The following PCSK6 variants were observed in gnomAD, a reference collection of about 807,000 sequenced individuals.
The protein encoded by PCSK6 is proprotein convertase subtilisin/kexin type 6, also known as paired basic amino acid cleaving enzyme 4.
Under a neutral mutation model 123.3 loss-of-function variants are expected in PCSK6, and 85 were observed. That is an observed-to-expected ratio of 0.69 (90% CI 0.58 to 0.83). The LOEUF (loss-of-function observed/expected upper bound fraction) is 0.83, where lower values mean the gene tolerates loss of function less well. Ranked by LOEUF, PCSK6 falls within the 40% of genes least tolerant of loss-of-function variation. PCSK6 has a pLI of 0.00. For synonymous variants in PCSK6, 508 were observed against 516.0 expected, an observed-to-expected ratio of 0.98 and a Z score of 0.21; for missense variants, 1,191 against 1,282.3, an observed-to-expected ratio of 0.93 and a Z score of 1.09.
chr15:101,315,558 T>C lies in PCSK6; in HGVS notation c.2570-2053A>G, dbSNP rs142884792. On this transcript the variant is annotated intron_variant, in intron 19 of 21. Coordinates refer to ENST00000611716, the MANE Select transcript of PCSK6 (RefSeq NM_002570.5). ...GCCTTTGTTCAGAAAGCTGGAAGAA[T>C]GTGCCACGACAGGGACTAAAACAGA... Among the ~76,000 whole-genome samples the C allele has an allele frequency of 7.4e-4, 113 of 152,374 alleles. 2 individuals are homozygous for C. The highest frequency in any genetic ancestry group is 2.6e-3 in the African/African-American group (109 of 41,588).
chr15:101,341,189 C>G (rs935577721), intron 13 of PCSK6, among the ~76,000 whole-genome samples: 2 of 151,630 alleles, frequency 1.3e-5, no homozygotes, highest in Non-Finnish European at 2.9e-5. Context: ...CCTGTCTCAG[C>G]CTCCCAAAGT....
At chr15:101,351,742 A>G (rs193110121) in intron 13 of PCSK6, among the ~76,000 whole-genome samples, 2 of 152,344 alleles carry the variant, frequency 1.3e-5, no homozygotes, top group East Asian at 1.9e-4. Context: ...GCAGGACAAT[A>G]TAACTTCATG....
intron 1 of PCSK6, among the ~76,000 whole-genome samples, chr15:101,478,359 A>C (rs1412857333): frequency 6.6e-6 from 1 of 152,100 alleles, no homozygotes; most frequent in African/African-American, 2.4e-5. Context: ...CCCAGTTGCT[A>C]TTCTAAGGAC....
Position 101,489,459 on chromosome 15 carries a change from G to A in PCSK6, c.212C>T (p.Thr71Ile). Residue 71 changes from threonine to isoleucine, a missense_variant, in exon 1 of 22, where the codon ACC becomes ATC. This residue lies in a region of PCSK6 where 204 missense variants were observed against 166.4 expected (regional missense o/e 1.23). Transcript: ENST00000611716. ...CSAPPPRPVYTNHWAVQVLGG... is the reference protein window; with the variant it reads ...CSAPPPRPVYINHWAVQVLGG... ...CAGCACTTGCACCGCCCAGTGGTTG[G>A]TGTAGACGGGGCGCGGCGGGGGCGC... is the stretch of plus-strand genomic sequence containing the variant. 1 of 1,142,358 alleles carries A rather than the reference G, an allele frequency of 8.8e-7. No individual in the cohort carries two copies. The highest frequency in any genetic ancestry group is 1.1e-6 in the Non-Finnish European group (1 of 929,690). 70.8% of individuals were successfully genotyped at this position (1,142,358 alleles called of 1,614,324 possible).
chr15:101,325,031 C>T lies in PCSK6; in HGVS notation c.2196G>A (p.Val732=), dbSNP rs554385030. ...TGTCCCCAAAGTAGCCCAAGGGGCACACACTCACGCACTTCCTGTAGGAGC... is the reference window on the plus strand; with the variant it reads ...TGTCCCCAAAGTAGCCCAAGGGGCATACACTCACGCACTTCCTGTAGGAGC... ...SVKTSRKCVS[V]CPLGYFGDTA... is the part of the protein sequence containing the mutation. Residue 732 remains valine, a synonymous_variant, in exon 17 of 22, where the codon GTG becomes GTA. Coordinates refer to ENST00000611716, the MANE Select transcript of PCSK6 (RefSeq NM_002570.5). 17 of 1,608,090 alleles carry T rather than the reference C, an allele frequency of 1.1e-5. No homozygotes were observed. In the East Asian group the frequency reaches 3.6e-4, roughly 34 times the overall value.
chr15:101,340,871 T>C (rs992188153), intron 13 of PCSK6, among the ~76,000 whole-genome samples: 6 of 152,120 alleles, frequency 3.9e-5, no homozygotes, highest in African/African-American at 1.4e-4. Flanking sequence ...CAAGTTTATC[T>C]TCTAACATAT....
rs1435931752 is a variant in PCSK6, at chr15:101,313,400, C to T, written c.2675G>A (p.Gly892Asp). Reference protein sequence around the residue: ...GEGFYPEEMPGLPHKVCRRCD... With the variant: ...GEGFYPEEMPDLPHKVCRRCD... ...CCTTCGACACACTTTGTGGGGCAAG[C>T]CCGGCATCTCTTCTGGGTAGAAGCC... Residue 892 changes from glycine (G) to aspartate (D), a missense_variant, in exon 20 of 22, where the codon GGC (glycine) becomes GAC (aspartate). Transcript: ENST00000611716. 1 of 1,612,662 alleles carries T rather than the reference C, an allele frequency of 6.2e-7. No homozygotes were observed. Among genetic ancestry groups the T allele is most frequent in the Non-Finnish European group, 8.5e-7 (1 of 1,179,876 alleles).
At chr15:101,366,159 T>C in intron 13 of PCSK6, 37 bp downstream of exon 13, 2 of 1,589,346 alleles carry the variant, frequency 1.3e-6, no homozygotes, top group Non-Finnish European at 1.7e-6. Context: ...AGGCTTGAGA[T>C]ACAAAAGCTG....
At chr15:101,329,637 C>T (rs537019385) in intron 15 of PCSK6, among the ~76,000 whole-genome samples, 20 of 152,216 alleles carry the variant, frequency 1.3e-4, no homozygotes, top group African/African-American at 4.6e-4. Flanking sequence ...TCTCCTGTAC[C>T]GGTGGAGCTG....
chr15:101,449,280 A>C (rs1248386356), intron 1 of PCSK6, among the ~76,000 whole-genome samples: 1 of 152,244 alleles, frequency 6.6e-6, no homozygotes, highest in African/African-American at 2.4e-5. Flanking sequence ...CATATTGTTT[A>C]AGGAAAAATG....
At chr15:101,476,346 A>G (rs1284924838) in intron 1 of PCSK6, among the ~76,000 whole-genome samples, 2 of 152,240 alleles carry the variant, frequency 1.3e-5, no homozygotes, top group South Asian at 2.1e-4. Flanking sequence ...AACACTGCTT[A>G]TAACAGAAAA....
chr15:101,312,700 C>T (rs552271295), intron 20 of PCSK6, among the ~76,000 whole-genome samples: 12 of 152,148 alleles, frequency 7.9e-5, no homozygotes, highest in African/African-American at 2.9e-4. Flanking sequence ...GGAGTGGTGG[C>T]GGGTGCCTGT....
intron 9 of PCSK6, among the ~76,000 whole-genome samples, chr15:101,386,260 A>T (rs545276370): frequency 1.3e-5 from 2 of 152,236 alleles, no homozygotes; most frequent in East Asian, 3.9e-4. Context: ...CAGAAGAGAG[A>T]GAGCTGAAGT....
At position 101,364,091 on chromosome 15, in the gene PCSK6, C is replaced by A. The variant is rs140851190; in HGVS notation, c.1858+2105G>T. ...TCTTTTCTCCTAAAACTGTGCTATT[C>A]CAAATGGAATGGTTTTTTTAATTTT... On this transcript the variant is annotated intron_variant, in intron 13 of 21. Coordinates refer to ENST00000611716, the MANE Select transcript of PCSK6 (RefSeq NM_002570.5). Among the ~76,000 whole-genome samples, 1,096 of 152,170 alleles carry A rather than the reference C, an allele frequency of 7.2e-3. 8 individuals carry two copies. The highest frequency in any genetic ancestry group is 0.012 in the Non-Finnish European group (848 of 68,022).
chr15:101,316,522 T>C (rs886394584), intron 19 of PCSK6: 1 of 152,258 alleles, frequency 6.6e-6, no homozygotes, highest in Non-Finnish European at 1.5e-5. Flanking sequence ...ACATCAGTGA[T>C]GCTGCCTAAT....
intron 13 of PCSK6, chr15:101,346,993 TTGAC>T (rs1275339021): frequency 3.2e-6 from 4 of 1,231,590 alleles, no homozygotes; most frequent in African/African-American, 1.6e-5. Context: ...GGTAAAGAGA[TTGAC>T]TGCAATATTA....
At chr15:101,368,107 T>C (rs1434632910) in intron 12 of PCSK6, among the ~76,000 whole-genome samples, 1 of 152,336 alleles carries the variant, frequency 6.6e-6, no homozygotes, top group Non-Finnish European at 1.5e-5. Context: ...TGAGCCACCC[T>C]TCCTGGGCTA....
At chr15:101,425,159 G>A (rs1235493479) in intron 6 of PCSK6, among the ~76,000 whole-genome samples, 6 of 152,216 alleles carry the variant, frequency 3.9e-5, no homozygotes, top group African/African-American at 1.4e-4. Flanking sequence ...TACGTCTGCG[G>A]CGTGGGGCTG....
intron 6 of PCSK6, among the ~76,000 whole-genome samples, chr15:101,416,184 A>G (rs953671850): frequency 1.3e-5 from 2 of 152,248 alleles, no homozygotes; most frequent in Admixed American, 6.5e-5. Flanking sequence ...AGTAAGGTCC[A>G]TGGTCAGGTG....
Sources: gnomAD v4.1 joint callset for allele counts (sites outside exome capture counted in the v4.1 genomes callset) on GRCh38, gnomAD v4.1.1 for gene constraint, gnomAD v4.1.1 regional missense constraint, MANE v1.5 for transcripts, NCBI Gene and HGNC (gene_info 2026-07-23, HGNC 2026-07-21) for gene names.